NDST2: variants seen among roughly 807,000 people sequenced by gnomAD.
NDST2 encodes bifunctional heparan sulfate N-deacetylase/N-sulfotransferase 2.
NDST2 carries 32 observed loss-of-function variants against 86.9 expected under a neutral mutation model. The observed-to-expected ratio is 0.37, with a 90% confidence interval of 0.28 to 0.49. NDST2 has a LOEUF of 0.49. NDST2 is among the 20% of genes least tolerant of loss of function. NDST2 has a pLI of 0.97. For missense variants in NDST2, 950 were observed against 1,146.9 expected (o/e 0.83, Z 2.48); for synonymous variants, 409 against 437.0 (o/e 0.94, Z 0.80).
chr10:73,810,658 T>C, intron 2 of NDST2, 141 bp downstream of exon 2: 2 of 390,874 alleles, frequency 5.1e-6, no homozygotes, highest in East Asian at 3.6e-5. Context: ...TCATCCCGTA[T>C]TTGAGAAATT....
In NDST2 at chr10:73,804,768, T is replaced by A. The variant is rs899211283; in HGVS notation, c.1843+5A>T. The A allele has an allele frequency of 6.2e-7, 1 of 1,602,720 alleles. No individual in the cohort carries two copies. The highest frequency in any genetic ancestry group is 1.1e-5 in the South Asian group (1 of 90,556). On this transcript the variant is annotated splice_donor_5th_base_variant and intron_variant, in intron 9 of 14. Transcript: ENST00000309979. ...GGCAAGAGAAGTTAGCTAAGGATAC[T>A]TCACCTGTTTTCTGGGGTCCCACAA...
chr10:73,805,580 C>T lies in NDST2; in HGVS notation c.1746+7G>A. The T allele has an allele frequency of 6.2e-7, 1 of 1,613,872 alleles. No individual in the cohort carries two copies. The highest frequency in any genetic ancestry group is 8.5e-7 in the Non-Finnish European group (1 of 1,179,958). ...ATGTCTCTCATCAGACTGAGCTCCA[C>T]CTTTACCTGCCAAAGGGGGCTTCGC... On this transcript the variant is annotated splice_region_variant and intron_variant, in intron 8 of 14. Coordinates refer to ENST00000309979, the MANE Select transcript of NDST2 (RefSeq NM_003635.4).
In NDST2 at chr10:73,806,163, C is replaced by A. The variant is rs189075431; in HGVS notation, c.1434+126G>T. The A allele has an allele frequency of 4.6e-6, 7 of 1,527,582 alleles. No individual in the cohort carries two copies. The East Asian group carries it at 1.4e-4, about 30-fold the overall frequency. The allele number at this position is 1,527,582 out of a possible 1,614,324, so 94.6% of individuals were successfully genotyped here. A position where few individuals can be genotyped will look rare whatever the true frequency, so the allele number is the denominator to read the frequency against. ...TACTGAGGGTGTTAAAATTTTTTCA[C>A]CTTTCTACCCCCAATTATGTACCCC... is the stretch of plus-strand genomic sequence containing the variant. On this transcript the variant is annotated intron_variant, in intron 6 of 14. Transcript: ENST00000309979. This position sits in a 1 kb window ranked among gnomAD's most constrained non-coding sequence, Gnocchi z 4.5.
chr10:73,807,751 CGT>C lies in NDST2; in HGVS notation c.636_637del (p.Arg213ProfsTer12), dbSNP rs758422130. On this transcript the variant is annotated frameshift_variant, in exon 3 of 15. Coordinates refer to ENST00000309979, the MANE Select transcript of NDST2 (RefSeq NM_003635.4). LOFTEE classifies it high-confidence loss of function. ...TGGCCCTGGTTCTAGGCGGCTGGGG[CGT>C]GTGAGATGCAGTAGCGGGGCAGAAG... is the stretch of plus-strand genomic sequence containing the variant. 6 of 1,614,124 alleles carry C rather than the reference CGT, an allele frequency of 3.7e-6. No individual in the cohort carries two copies. Among genetic ancestry groups the C allele is most frequent in the Non-Finnish European group, 5.1e-6 (6 of 1,180,042 alleles).
At chr10:73,810,116 G>T (rs111646482) in intron 2 of NDST2, among the ~76,000 whole-genome samples, 5 of 152,274 alleles carry the variant, frequency 3.3e-5, no homozygotes, top group African/African-American at 7.2e-5. Context: ...ACACATCTCA[G>T]GGGTGATAAG....
In NDST2 at chr10:73,802,033, G is replaced by A. The variant is rs1291834638; in HGVS notation, c.*418C>T. The A allele has an allele frequency of 2.8e-6, 1 of 354,620 alleles. No homozygotes were observed. Among genetic ancestry groups the A allele is most frequent in the Admixed American group, 4.5e-5 (1 of 22,250 alleles). The allele number at this position is 354,620 out of a possible 1,614,324, so 22.0% of individuals were successfully genotyped here. The stretch of plus-strand genomic sequence containing the variant: ...AATGTGAATGACATTAGGGAGGCCG[G>A]GCCACAGGTAGATCCCACTGCCTGG... On this transcript the variant is annotated 3_prime_UTR_variant, in exon 15 of 15. Transcript: ENST00000309979.
In NDST2 at chr10:73,807,691, T is replaced by A. The variant is rs778272164; in HGVS notation, c.698A>T (p.Asn233Ile). ...PGDDWTIFQSNHSTYEPVLLA... is the reference protein window; with the variant it reads ...PGDDWTIFQSIHSTYEPVLLA... ...AAGCACTGGTTCATATGTACTATGA[T>A]TGGATTGGAAGATGGTCCAGTCATC... is the stretch of plus-strand genomic sequence containing the variant. The change falls in exon 3 of 15, where the codon AAT becomes ATT. Residue 233 changes from asparagine to isoleucine, a missense_variant. Physicochemically the swap from Asn to Ile is moderately radical, Grantham distance 149 (BLOSUM62 -3). Coordinates refer to ENST00000309979, the MANE Select transcript of NDST2 (RefSeq NM_003635.4). 2 of 1,614,168 alleles carry A rather than the reference T, an allele frequency of 1.2e-6. No individual in the cohort carries two copies. Among genetic ancestry groups the A allele is most frequent in the Non-Finnish European group, 8.5e-7 (1 of 1,180,026 alleles).
At chr10:73,802,604 G>A (rs1589607236) in intron 14 of NDST2, 28 bp from the exon 15 acceptor site, 3 of 1,614,206 alleles carry the variant, frequency 1.9e-6, no homozygotes, top group Non-Finnish European at 2.5e-6. Context: ...AGGCAGAAAT[G>A]GTAAGAAGTG....
At chr10:73,805,825 C>T (rs2084092272) in intron 7 of NDST2, 56 bp from the exon 8 acceptor site, 2 of 1,613,126 alleles carry the variant, frequency 1.2e-6, no homozygotes, top group African/African-American at 1.3e-5. Context: ...TCTGAATTAG[C>T]CTTGGTGAAT....
In NDST2 at chr10:73,807,625, G is replaced by C. The variant is rs141985408; in HGVS notation, c.764C>G (p.Pro255Arg). ...GGGAAGCCGGGCCCGACGAAGAACT[G>C]GTCCTGGCACTGCGGGCTCAGCTGG... ...LRPAEPAVPG[P>R]VLRRARLPTV... Residue 255 changes from proline (P) to arginine (R), a missense_variant, in exon 3 of 15, where the codon CCA becomes CGA. Coordinates refer to ENST00000309979, the MANE Select transcript of NDST2 (RefSeq NM_003635.4). 80 of 1,614,230 alleles carry C rather than the reference G, an allele frequency of 5.0e-5. No homozygotes were observed. The South Asian group carries it at 6.8e-4, about 14-fold the overall frequency.
chr10:73,803,448 G>A (rs566951291), intron 11 of NDST2, 89 bp from the exon 12 acceptor site: 18 of 1,553,572 alleles, frequency 1.2e-5, no homozygotes, highest in African/African-American at 9.5e-5. Flanking sequence ...AGCACAGCAC[G>A]GGTACCCGTC....
Position 73,806,969 on chromosome 10 carries a change from T to C in NDST2, c.1093+139A>G. 7.0e-7 allele frequency: 1 copy of C among 1,431,456 alleles called. No homozygotes were observed. The highest frequency in any genetic ancestry group is 1.8e-5 in the Admixed American group (1 of 56,354). 88.7% of individuals were successfully genotyped at this position (1,431,456 alleles called of 1,614,324 possible). On this transcript the variant is annotated intron_variant, in intron 4 of 14. Coordinates refer to ENST00000309979, the MANE Select transcript of NDST2 (RefSeq NM_003635.4). The surrounding 1 kb of genome is among the most constrained non-coding windows in gnomAD (Gnocchi z 4.5). ...ATCCAGCCACCCATGCGAACCTAAATTCATGCCCACCACTAGCTCCTCACA... is the reference window on the plus strand; with the variant it reads ...ATCCAGCCACCCATGCGAACCTAAACTCATGCCCACCACTAGCTCCTCACA...
chr10:73,802,950 C>A, intron 13 of NDST2, 22 bp downstream of exon 13: 1 of 1,608,734 alleles, frequency 6.2e-7, no homozygotes, highest in Non-Finnish European at 8.5e-7. Flanking sequence ...CAGTACTCCT[C>A]CCCTGGGTCA....
chr10:73,807,788 G>A lies in NDST2; in HGVS notation c.601C>T (p.Gln201Ter). 1.2e-6 allele frequency: 2 copies of A among 1,614,146 alleles called. No individual in the cohort carries two copies. The highest frequency in any genetic ancestry group is 1.7e-6 in the Non-Finnish European group (2 of 1,180,032). ...LHSNLGLRDY[Q>*]VNPSAPLLHL... ...AGTAGCGGGGCAGAAGGATTCACTT[G>A]GTAGTCCCGGAGCCCCAAGTTTGAG... The change falls in exon 3 of 15, where the codon CAA becomes TAA. Residue 201 changes from glutamine (Q) to a stop codon, truncating the protein, a stop_gained. Transcript: ENST00000309979. LOFTEE classifies it high-confidence loss of function.
At position 73,803,227 on chromosome 10, in the gene NDST2, G is replaced by A. The variant is rs777408611; in HGVS notation, c.2275C>T (p.His759Tyr). The A allele has an allele frequency of 9.3e-6, 15 of 1,614,122 alleles. No homozygotes were observed. Among genetic ancestry groups the A allele is most frequent in the Admixed American group, 3.3e-5 (2 of 60,012 alleles). Reference protein sequence around the residue: ...RCLVPGYYSTHLQRWLTYYPS... With the variant: ...RCLVPGYYSTYLQRWLTYYPS... ...TAGTAAGTCAGCCAGCGTTGTAGAT[G>A]GGTAGAATAGTAGCCAGGGACAAGA... Residue 759 changes from histidine (H) to tyrosine (Y), a missense_variant, in exon 12 of 15, where the codon CAT becomes TAT. By Grantham distance (83) the His-to-Tyr change is moderately conservative. Transcript: ENST00000309979.
chr10:73,804,740 C>A (rs1392238630), intron 9 of NDST2, 33 bp downstream of exon 9: 1 of 1,377,830 alleles, frequency 7.3e-7, no homozygotes, highest in Admixed American at 1.8e-5. Context: ...GGGTTTAAGG[C>A]AGGGCAAGAG....
Position 73,803,745 on chromosome 10 carries a change from G to A in NDST2, c.1971C>T (p.Tyr657=), listed in dbSNP as rs750622012. The change falls in exon 11 of 15, where the codon TAC becomes TAT. Residue 657 remains tyrosine (Y), a synonymous_variant. Transcript: ENST00000309979. The stretch of plus-strand genomic sequence containing the variant: ...TGGAAGGAACAGGGAAGAAATCCAT[G>A]TACCTAGGAAGTAGCACAGAAGAGA... ...SPNYHKGIDW[Y]MDFFPVPSNA... 2.5e-6 allele frequency: 4 copies of A among 1,614,122 alleles called. No homozygotes were observed. In the South Asian group the frequency reaches 3.3e-5, roughly 13 times the overall value.
rs2084090827 is a variant in NDST2, at chr10:73,805,770, C to T, written c.1564-1G>A. On this transcript the variant is annotated splice_acceptor_variant, in intron 7 of 14. Coordinates refer to ENST00000309979, the MANE Select transcript of NDST2 (RefSeq NM_003635.4). LOFTEE classifies it high-confidence loss of function. ...ACAGATGGGTCATAAAGATGCTGAT[C>T]TGTAAGGGGTACCTGCATGTCAGAT... The T allele has an allele frequency of 6.2e-7, 1 of 1,614,100 alleles. No individual in the cohort carries two copies. The highest frequency in any genetic ancestry group is 1.7e-5 in the Admixed American group (1 of 60,008).
rs1219462537 is a variant in NDST2 at position 73,807,905 on chromosome 10, C to T, written c.484G>A (p.Val162Met). 2.5e-6 allele frequency: 4 copies of T among 1,614,070 alleles called. No homozygotes were observed. The highest frequency in any genetic ancestry group is 1.7e-5 in the Admixed American group (1 of 59,998). ...WSRELLDRYC[V>M]EYGVGIIGFF... ...CCAATGATGCCCACACCATACTCCA[C>T]GCAGTACCGGTCTAGCAGTTCCCGA... Residue 162 changes from valine (V) to methionine (M), a missense_variant, in exon 3 of 15, where the codon GTG (valine) becomes ATG (methionine). Around this residue, in one of 5 missense-constraint regions of NDST2, gnomAD observed 586 missense variants for 714.0 expected, o/e 0.82. Transcript: ENST00000309979.
Sources: allele counts gnomAD v4.1 joint callset (sites outside exome capture counted in the v4.1 genomes callset), GRCh38; gene constraint gnomAD v4.1.1; regional missense constraint gnomAD v4.1.1; non-coding constraint Gnocchi (gnomAD v3.1); transcripts MANE v1.5; gene names NCBI Gene and HGNC (gene_info 2026-07-23, HGNC 2026-07-21).